Variants in SNTG1 observed in about 807,000 individuals in gnomAD.
SNTG1 encodes the protein syntrophin gamma 1, also known as gamma-1-syntrophin.
SNTG1 carries 39 observed loss-of-function variants against 74.7 expected under a neutral mutation model. The observed-to-expected ratio is 0.52, with a 90% CI of 0.40 to 0.68. SNTG1 has a LOEUF of 0.68. Among genes scored for constraint, SNTG1 ranks in the 30% least tolerant of loss-of-function variants. The probability of loss-of-function intolerance (pLI) is 0.00; values close to 1 mark genes in which losing one functional copy is unlikely to be tolerated. For missense variants in SNTG1, 685 were observed against 609.5 expected, an observed-to-expected ratio of 1.12 and a Z score of -1.30; for synonymous variants, 254 against 217.1, an observed-to-expected ratio of 1.17 and a Z score of -1.49.
chr8:50,020,106 T>C (rs1789560125), intron 1 of SNTG1, among the ~76,000 whole-genome samples: 1 of 152,156 alleles, frequency 6.6e-6, no homozygotes, highest in South Asian at 2.1e-4. Context: ...CCATTTACAT[T>C]GTGTATTAAA....
At chr8:50,624,019 T>C (rs2094940619) in intron 13 of SNTG1, among the ~76,000 whole-genome samples, 1 of 152,046 alleles carries the variant, frequency 6.6e-6, no homozygotes, top group Admixed American at 6.6e-5. Context: ...TTTTTCTATA[T>C]TCTCCCTCTT....
At chr8:49,940,338 G>C (rs1293323515) in intron 1 of SNTG1, among the ~76,000 whole-genome samples, 1 of 152,126 alleles carries the variant, frequency 6.6e-6, no homozygotes, top group African/African-American at 2.4e-5. Flanking sequence ...CCCACTCTTG[G>C]GGTGGGTGGT....
chr8:50,523,008 T>C (rs939951120), intron 9 of SNTG1, among the ~76,000 whole-genome samples: 17 of 152,234 alleles, frequency 1.1e-4, no homozygotes, highest in African/African-American at 4.1e-4. Context: ...TTATAGCTTC[T>C]AAAGCTCCTG....
chr8:50,200,679 A>G (rs974944044), intron 2 of SNTG1, among the ~76,000 whole-genome samples: 1 of 152,114 alleles, frequency 6.6e-6, no homozygotes, highest in African/African-American at 2.4e-5. Flanking sequence ...GAGCAAGGAT[A>G]CCTCAACTGA....
chr8:50,297,555 A>T (rs1195830333), intron 2 of SNTG1, among the ~76,000 whole-genome samples: 1 of 152,110 alleles, frequency 6.6e-6, no homozygotes, highest in Non-Finnish European at 1.5e-5. Flanking sequence ...GGTGACTTGG[A>T]CACAAGCAAT....
intron 4 of SNTG1, among the ~76,000 whole-genome samples, chr8:50,406,095 T>C (rs1176045290): frequency 2.0e-5 from 3 of 152,106 alleles, no homozygotes; most frequent in Non-Finnish European, 4.4e-5. Flanking sequence ...ATCATTGCAG[T>C]TTTTATAAGG....
At chr8:50,004,295 G>T (rs771632049) in intron 1 of SNTG1, among the ~76,000 whole-genome samples, 1 of 152,058 alleles carries the variant, frequency 6.6e-6, no homozygotes, top group Non-Finnish European at 1.5e-5. Flanking sequence ...ATAAATTGAG[G>T]ATCACTGAGT....
At chr8:49,958,627 G>T (rs540950205) in intron 1 of SNTG1, among the ~76,000 whole-genome samples, 5 of 152,200 alleles carry the variant, frequency 3.3e-5, no homozygotes, top group African/African-American at 4.8e-5. Context: ...CACCATGTTG[G>T]CCAGGCTGGT....
At chr8:50,203,790 G>T (rs555329596) in intron 2 of SNTG1, among the ~76,000 whole-genome samples, 14 of 150,924 alleles carry the variant, frequency 9.3e-5, no homozygotes, top group African/African-American at 3.0e-4. Flanking sequence ...CTGTGTGTGT[G>T]TGTGTGTTCG....
Position 50,793,856 on chromosome 8 carries a change from C to A in SNTG1, c.*1027C>A, listed in dbSNP as rs1405285338. ...CATTTTAGTACTATTTTATGAGAAACAAAGGTGATATTTAAAGATAAAAGT... is the reference window on the plus strand; with the variant it reads ...CATTTTAGTACTATTTTATGAGAAAAAAAGGTGATATTTAAAGATAAAAGT... On this transcript the variant is annotated 3_prime_UTR_variant, in exon 19 of 19. Transcript: ENST00000642720. The A allele has an allele frequency of 6.6e-6, 1 of 151,738 alleles. No individual in the cohort carries two copies. The allele number at this position is 151,738 out of a possible 1,614,324, so 9.4% of individuals were successfully genotyped here.
At chr8:50,612,009 C>G (rs780546032) in intron 13 of SNTG1, among the ~76,000 whole-genome samples, 11 of 152,114 alleles carry the variant, frequency 7.2e-5, no homozygotes, top group Non-Finnish European at 1.6e-4. Flanking sequence ...TCATCTGCCT[C>G]GGCCTCCCAA....
chr8:50,725,510 G>A (rs1022700956), intron 17 of SNTG1, among the ~76,000 whole-genome samples: 1 of 152,000 alleles, frequency 6.6e-6, no homozygotes, highest in Non-Finnish European at 1.5e-5. Context: ...ACAACAAAAC[G>A]TCTTTTACAA....
intron 4 of SNTG1, among the ~76,000 whole-genome samples, chr8:50,412,829 T>C (rs2092966316): frequency 6.6e-6 from 1 of 152,248 alleles, no homozygotes; most frequent in African/African-American, 2.4e-5. Flanking sequence ...TCATGGGACA[T>C]GTTTCCTGCA....
chr8:50,779,296 T>C (rs764780718), intron 18 of SNTG1, among the ~76,000 whole-genome samples: 36 of 152,162 alleles, frequency 2.4e-4, no homozygotes, highest in Non-Finnish European at 4.3e-4. Flanking sequence ...TTTTGGGCAG[T>C]ATGGTCATTT....
intron 2 of SNTG1, among the ~76,000 whole-genome samples, chr8:50,181,574 T>G (rs764965632): frequency 3.9e-5 from 6 of 152,200 alleles, no homozygotes; most frequent in South Asian, 2.1e-4. Context: ...ATATTTATGT[T>G]TTCAACAAGT....
chr8:50,605,683 T>C (rs945411813), intron 13 of SNTG1, among the ~76,000 whole-genome samples: 10 of 152,116 alleles, frequency 6.6e-5, no homozygotes, highest in African/African-American at 2.4e-4. Flanking sequence ...TTCTCAACAA[T>C]ATGAAGTTAA....
chr8:50,708,074 G>A (rs1030505000), intron 16 of SNTG1: 3 of 234,578 alleles, frequency 1.3e-5, no homozygotes, highest in Non-Finnish European at 2.4e-5. Flanking sequence ...GGTGGCGGGC[G>A]ACTGTAATGC....
intron 1 of SNTG1, among the ~76,000 whole-genome samples, chr8:49,928,540 T>C (rs1041602584): frequency 6.6e-6 from 1 of 152,046 alleles, no homozygotes; most frequent in Admixed American, 6.6e-5. Context: ...CAGAGATTCT[T>C]AGACTGTAAT....
intron 8 of SNTG1, among the ~76,000 whole-genome samples, chr8:50,472,758 T>G (rs1032829832): frequency 6.6e-6 from 1 of 152,068 alleles, no homozygotes; most frequent in Non-Finnish European, 1.5e-5. Context: ...ATAAAATATT[T>G]GTAAATCATA....
Sources: allele counts gnomAD v4.1 joint callset (sites outside exome capture counted in the v4.1 genomes callset), GRCh38; gene constraint gnomAD v4.1.1; transcripts MANE v1.5; gene names NCBI Gene and HGNC (gene_info 2026-07-23, HGNC 2026-07-21).